The following ARPC2 variants were observed in gnomAD, a reference collection of about 807,000 sequenced individuals.
ARPC2 encodes actin related protein 2/3 complex subunit 2.
Under a neutral mutation model 38.6 loss-of-function variants are expected in ARPC2, and 4 were observed. The observed-to-expected ratio is 0.10, with a 90% confidence interval of 0.05 to 0.24. The LOEUF (loss-of-function observed/expected upper bound fraction) is 0.24. Among genes scored for constraint, ARPC2 ranks in the 10% least tolerant of loss-of-function variants. The pLI is 1.00. For synonymous variants in ARPC2, 125 were observed against 140.8 expected (o/e 0.89, Z 0.79); for missense variants, 229 against 387.3 (o/e 0.59, Z 3.43).
intron 2 of ARPC2, 38 bp from the exon 3 acceptor site, chr2:218,225,882 C>T (rs1308162170): frequency 5.6e-6 from 9 of 1,607,720 alleles, no homozygotes; most frequent in African/African-American, 5.3e-5. Context: ...AGCAGCAATA[C>T]AGTCATCTTA....
rs774713489 is a variant in ARPC2, at chr2:218,217,448, T to C, written c.-8-15T>C. The C allele has an allele frequency of 1.2e-5, 20 of 1,610,420 alleles. No individual in the cohort carries two copies. The East Asian group carries it at 4.3e-4, about 34-fold the overall frequency. ...CACCCTCACCGGCCCTTGTTTCTCC[T>C]TCCCCTGGGGGCAGCCGCCGCCATG... On this transcript the variant is annotated splice_polypyrimidine_tract_variant and intron_variant, in intron 1 of 10. Coordinates refer to ENST00000315717, the MANE Select transcript of ARPC2 (RefSeq NM_152862.3).
At chr2:218,227,152 G>A (rs993923112) in intron 3 of ARPC2, 2 of 390,704 alleles carry the variant, frequency 5.1e-6, no homozygotes, top group African/African-American at 2.1e-5. Flanking sequence ...ATATCCCTTC[G>A]TGATTCCCAT....
chr2:218,245,748 A>G (rs1272600630), intron 8 of ARPC2, among the ~76,000 whole-genome samples: 1 of 152,214 alleles, frequency 6.6e-6, no homozygotes, highest in African/African-American at 2.4e-5. Context: ...ATTTTTGTAC[A>G]GTAATCCTTT....
chr2:218,238,630 T>G (rs775171465), intron 5 of ARPC2, 34 bp from the exon 6 acceptor site: 32 of 1,314,080 alleles, frequency 2.4e-5, no homozygotes, highest in Non-Finnish European at 3.0e-5. Flanking sequence ...ACTGCTGGGT[T>G]GTTTTTTGTT....
At chr2:218,252,369 G>A (rs1010890247) in intron 10 of ARPC2, among the ~76,000 whole-genome samples, 2 of 152,200 alleles carry the variant, frequency 1.3e-5, no homozygotes, top group Admixed American at 6.5e-5. Context: ...ATCTTTAAAT[G>A]GGCAAAGTGA....
intron 2 of ARPC2, among the ~76,000 whole-genome samples, chr2:218,223,297 C>T (rs1202042551): frequency 2.6e-5 from 4 of 152,200 alleles, no homozygotes; most frequent in South Asian, 2.1e-4. Flanking sequence ...ACAGTGTGTA[C>T]GCTACCCTCT....
chr2:218,223,112 T>C (rs758127611), intron 2 of ARPC2, among the ~76,000 whole-genome samples: 2 of 152,268 alleles, frequency 1.3e-5, no homozygotes, highest in Non-Finnish European at 2.9e-5. Context: ...TGGTTTTGCT[T>C]TCTGCAGTTT....
intron 10 of ARPC2, among the ~76,000 whole-genome samples, 195 bp downstream of exon 10, chr2:218,250,116 C>A (rs897315208): frequency 6.6e-6 from 1 of 152,106 alleles, no homozygotes; most frequent in Non-Finnish European, 1.5e-5. Flanking sequence ...TCCTTGTTTC[C>A]GTATCTTTGT....
intron 10 of ARPC2, 142 bp downstream of exon 10, chr2:218,250,063 G>A (rs932640657): frequency 1.5e-6 from 1 of 674,936 alleles, no homozygotes; most frequent in Non-Finnish European, 2.5e-6. Context: ...TAAACCAAAG[G>A]TGGGATTCCA....
At chr2:218,227,244 G>A (rs1033886351) in intron 3 of ARPC2, 9 of 309,916 alleles carry the variant, frequency 2.9e-5, no homozygotes, top group Middle Eastern at 9.1e-4. Context: ...TACACAGGCT[G>A]AGTCAGTCCT....
chr2:218,232,633 G>T (rs761810609), intron 4 of ARPC2, among the ~76,000 whole-genome samples: 95 of 147,908 alleles, frequency 6.4e-4, no homozygotes, highest in Non-Finnish European at 3.1e-4. Flanking sequence ...GCAGTGGCGC[G>T]ATCTCACCTC....
At chr2:218,248,031 C>T (rs1043682770) in intron 8 of ARPC2, among the ~76,000 whole-genome samples, 2 of 151,700 alleles carry the variant, frequency 1.3e-5, no homozygotes, top group Non-Finnish European at 2.9e-5. Flanking sequence ...CCACTCACTT[C>T]AGCCTCCCAA....
Sources: allele counts gnomAD v4.1 joint callset (sites outside exome capture counted in the v4.1 genomes callset), GRCh38; gene constraint gnomAD v4.1.1; transcripts MANE v1.5; gene names NCBI Gene and HGNC (gene_info 2026-07-23, HGNC 2026-07-21).